The following SRPK2 variants were observed in gnomAD, a reference collection of about 807,000 sequenced individuals.
SRPK2 encodes the protein SFRS protein kinase 2.
A neutral mutation model predicts 90.8 loss-of-function variants in SRPK2; 21 were observed. The observed-to-expected ratio is 0.23, with a 90% confidence interval of 0.16 to 0.33. SRPK2 has a LOEUF of 0.33. Among genes scored for constraint, SRPK2 ranks in the 10% least tolerant of loss-of-function variants. The probability of loss-of-function intolerance (pLI) is 1.00; values close to 1 mark genes in which losing one functional copy is unlikely to be tolerated. For missense variants in SRPK2, 620 were observed against 869.0 expected (o/e 0.71, Z 3.60); for synonymous variants, 288 against 311.1 (o/e 0.93, Z 0.78).
intron 2 of SRPK2, among the ~76,000 whole-genome samples, chr7:105,260,435 G>T (rs528757943): frequency 2.6e-5 from 4 of 152,294 alleles, no homozygotes; most frequent in African/African-American, 9.6e-5. Context: ...ACTGTTAGTG[G>T]GAGTGTAAAT....
chr7:105,165,725 G>A (rs921573538), intron 6 of SRPK2, among the ~76,000 whole-genome samples: 5 of 152,178 alleles, frequency 3.3e-5, no homozygotes, highest in Non-Finnish European at 7.3e-5. Flanking sequence ...ACGTGGGCAC[G>A]GACAAATGAG....
intron 7 of SRPK2, among the ~76,000 whole-genome samples, chr7:105,157,816 G>C (rs1430161184): frequency 6.6e-6 from 1 of 152,160 alleles, no homozygotes; most frequent in African/African-American, 2.4e-5. Flanking sequence ...TATAATCCTA[G>C]CAACTTTGGG....
chr7:105,159,462 A>AAAAAAAAAAAAC (rs1563005777), intron 7 of SRPK2, among the ~76,000 whole-genome samples: 5 of 147,914 alleles, frequency 3.4e-5, no homozygotes, highest in African/African-American at 5.0e-5. Flanking sequence ...AAAAAAAAAA[A>AAAAAAAAAAAAC]AAAAAAAAAA....
chr7:105,226,905 G>C (rs1288646008), intron 2 of SRPK2, among the ~76,000 whole-genome samples: 1 of 152,112 alleles, frequency 6.6e-6, no homozygotes, highest in Non-Finnish European at 1.5e-5. Context: ...TCACACAACT[G>C]CACTCCAGCC....
chr7:105,343,339 T>G (rs369175995), intron 2 of SRPK2, among the ~76,000 whole-genome samples: 37 of 152,022 alleles, frequency 2.4e-4, no homozygotes, highest in African/African-American at 8.7e-4. Context: ...GAAGCTGAGG[T>G]GGGGGGATCA....
chr7:105,204,426 T>C (rs1481136855), intron 2 of SRPK2, among the ~76,000 whole-genome samples: 1 of 152,202 alleles, frequency 6.6e-6, no homozygotes, highest in Non-Finnish European at 1.5e-5. Flanking sequence ...ATTGAGATTA[T>C]TCCCTTTCAG....
intron 2 of SRPK2, among the ~76,000 whole-genome samples, chr7:105,388,134 A>T (rs1563322788): frequency 6.6e-6 from 1 of 152,146 alleles, no homozygotes; most frequent in Non-Finnish European, 1.5e-5. Flanking sequence ...CTCAGCAGAA[A>T]GGCCGACAGG....
At chr7:105,179,824 C>CAAAAAAAAAA (rs1185836588) in intron 3 of SRPK2, among the ~76,000 whole-genome samples, 1 of 60,272 alleles carries the variant, frequency 1.7e-5, no homozygotes, top group African/African-American at 7.0e-5. Flanking sequence ...GAGTCCATCT[C>CAAAAAAAAAA]AAAAAAAAAA....
chr7:105,211,558 TGA>T (rs1336043992), intron 2 of SRPK2, among the ~76,000 whole-genome samples: 1 of 151,178 alleles, frequency 6.6e-6, no homozygotes, highest in Non-Finnish European at 1.5e-5. Flanking sequence ...GTAACAGGAG[TGA>T]GAGTGAGGGG....
chr7:105,202,947 C>T (rs1168846232), intron 3 of SRPK2, among the ~76,000 whole-genome samples: 1 of 152,166 alleles, frequency 6.6e-6, no homozygotes, highest in East Asian at 1.9e-4. Flanking sequence ...GAGCCTGGTA[C>T]ACTTTCTCCT....
intron 2 of SRPK2, among the ~76,000 whole-genome samples, chr7:105,218,790 G>A (rs1585218324): frequency 6.6e-6 from 1 of 152,208 alleles, no homozygotes; most frequent in African/African-American, 2.4e-5. Flanking sequence ...TATAATTTAA[G>A]CATGACTGGG....
intron 2 of SRPK2, among the ~76,000 whole-genome samples, chr7:105,298,037 GC>G (rs1810074158): frequency 6.6e-6 from 1 of 152,188 alleles, no homozygotes; most frequent in East Asian, 1.9e-4. Context: ...ACCACGCCTG[GC>G]CTGTAATTTT....
At chr7:105,390,607 G>GTTT (rs869259356), upstream of SRPK2, among the ~76,000 whole-genome samples, 7,902 of 107,736 alleles carry the variant, frequency 0.073, 767 homozygotes, top group East Asian at 0.44. Flanking sequence ...TTTTGTTTTT[G>GTTT]TTTTTTTTTT....
At chr7:105,243,750 T>A (rs1057042482) in intron 2 of SRPK2, among the ~76,000 whole-genome samples, 3 of 151,276 alleles carry the variant, frequency 2.0e-5, no homozygotes, top group Non-Finnish European at 4.4e-5. Flanking sequence ...CAAAAAAAAA[T>A]TTTAATTTCA....
intron 2 of SRPK2, among the ~76,000 whole-genome samples, chr7:105,366,121 G>C (rs1027929500): frequency 2.0e-5 from 3 of 152,010 alleles, no homozygotes; most frequent in Non-Finnish European, 4.4e-5. Flanking sequence ...CCAAAGTGCT[G>C]GGATTTCAGG....
At chr7:105,233,939 C>G (rs1263817839) in intron 2 of SRPK2, among the ~76,000 whole-genome samples, 3 of 151,892 alleles carry the variant, frequency 2.0e-5, no homozygotes, top group Admixed American at 6.6e-5. Context: ...ATATTTGGGT[C>G]AATTCTTTGT....
intron 13 of SRPK2, among the ~76,000 whole-genome samples, chr7:105,132,173 A>G (rs1436702484): frequency 6.6e-6 from 1 of 152,158 alleles, no homozygotes; most frequent in Non-Finnish European, 1.5e-5. Context: ...CTGGGAACAG[A>G]CTCTGTCAGA....
chr7:105,291,820 A>G (rs936931526), intron 2 of SRPK2, among the ~76,000 whole-genome samples: 1 of 152,204 alleles, frequency 6.6e-6, no homozygotes, highest in African/African-American at 2.4e-5. Context: ...AACAGCATGA[A>G]TATAAAGAAA....
intron 2 of SRPK2, among the ~76,000 whole-genome samples, chr7:105,370,451 C>T (rs929387250): frequency 5.9e-5 from 9 of 152,134 alleles, no homozygotes; most frequent in African/African-American, 1.9e-4. Context: ...ATCATGTCAT[C>T]TAGATGCTCC....
Sources: gnomAD v4.1 joint callset for allele counts (sites outside exome capture counted in the v4.1 genomes callset) on GRCh38, gnomAD v4.1.1 for gene constraint, MANE v1.5 for transcripts, NCBI Gene and HGNC (gene_info 2026-07-23, HGNC 2026-07-21) for gene names.